MSRB3: variants seen among roughly 807,000 people sequenced by gnomAD.
MSRB3 encodes the protein methionine-R-sulfoxide reductase B3.
In MSRB3, 13 loss-of-function variants were observed where a neutral mutation model predicts 21.0. That is an observed-to-expected ratio of 0.62 (90% confidence interval 0.40 to 0.98). MSRB3 has a LOEUF of 0.98. Among genes scored for constraint, MSRB3 ranks in the 50% least tolerant of loss-of-function variants. The probability of loss-of-function intolerance (pLI) is 0.00; values close to 1 mark genes in which losing one functional copy is unlikely to be tolerated. For missense variants in MSRB3, 199 were observed against 230.3 expected (o/e 0.86, Z 0.88); for synonymous variants, 87 against 88.6 (o/e 0.98, Z 0.10).
At chr12:65,362,757 A>G (rs1176046129) in intron 4 of MSRB3, among the ~76,000 whole-genome samples, 1 of 152,182 alleles carries the variant, frequency 6.6e-6, no homozygotes, top group Non-Finnish European at 1.5e-5. Context: ...AAAGGGGTTA[A>G]GGTATAGTAG....
intron 5 of MSRB3, among the ~76,000 whole-genome samples, chr12:65,415,071 G>A (rs75894828): frequency 0.018 from 2,790 of 152,208 alleles, 97 homozygotes; most frequent in African/African-American, 0.064. Context: ...TTAGAGATCA[G>A]GATCAGAGTC....
intron 4 of MSRB3, among the ~76,000 whole-genome samples, chr12:65,335,488 C>T (rs1408996127): frequency 1.3e-5 from 2 of 152,162 alleles, no homozygotes; most frequent in Non-Finnish European, 2.9e-5. Context: ...TAAGCCCTTT[C>T]ACTGAGAAAA....
chr12:65,279,019 G>T (rs2136376090), intron 1 of MSRB3, 154 bp downstream of exon 1: 1 of 1,446,032 alleles, frequency 6.9e-7, no homozygotes, highest in South Asian at 1.4e-5. Flanking sequence ...AGCCGAGAAG[G>T]GGAGCAGAAG....
intron 5 of MSRB3, among the ~76,000 whole-genome samples, chr12:65,380,971 T>C (rs993016571): frequency 6.6e-6 from 1 of 152,220 alleles, no homozygotes; most frequent in Admixed American, 6.5e-5. Flanking sequence ...CACAGTCACA[T>C]GTAGTTGCAG....
chr12:65,367,284 G>A (rs1294645572), intron 4 of MSRB3, among the ~76,000 whole-genome samples: 2 of 152,186 alleles, frequency 1.3e-5, no homozygotes, highest in South Asian at 2.1e-4. Context: ...AACAATTCTG[G>A]AGCACTTATA....
intron 2 of MSRB3, among the ~76,000 whole-genome samples, chr12:65,323,617 C>G (rs150899890): frequency 2.6e-5 from 4 of 152,094 alleles, no homozygotes; most frequent in African/African-American, 7.2e-5. Context: ...TTAAATTACC[C>G]TGTGTAATAA....
intron 4 of MSRB3, among the ~76,000 whole-genome samples, chr12:65,341,370 G>GGAGA (rs58071061): frequency 2.6e-5 from 4 of 150,984 alleles, no homozygotes; most frequent in African/African-American, 4.9e-5. Context: ...TTGAACTCAT[G>GGAGA]GAGAGAGAGA....
chr12:65,278,728 G>T lies in MSRB3; in HGVS notation c.-189G>T. ...CGTCGCCCGGAGCCGGGGAGGGAGG[G>T]AGCGAGGTTCGGACACCGGCGGCGG... On this transcript the variant is annotated 5_prime_UTR_variant, in exon 1 of 7. An upstream open reading frame in the 5' UTR gains an earlier in-frame stop. Coordinates refer to ENST00000308259, the MANE Select transcript of MSRB3 (RefSeq NM_001031679.3). 1 of 1,540,850 alleles carries T rather than the reference G, an allele frequency of 6.5e-7. No individual in the cohort carries two copies. Among genetic ancestry groups the T allele is most frequent in the African/African-American group, 1.4e-5 (1 of 73,494 alleles).
Position 65,349,413 on chromosome 12 carries a change from G to A in MSRB3, c.264-19585G>A, listed in dbSNP as rs1876776982. Reference sequence around the variant, plus strand: ...TAGCAGCAAGATTTATAGTCCTTTGGGTATATACCCAGTAATGGGATGGCT... The same window carrying A: ...TAGCAGCAAGATTTATAGTCCTTTGAGTATATACCCAGTAATGGGATGGCT... On this transcript the variant is annotated intron_variant, in intron 4 of 6. Transcript: ENST00000308259. Among the ~76,000 whole-genome samples the A allele has an allele frequency of 4.6e-5, 7 of 151,832 alleles. 1 individual carries two copies. The South Asian group carries it at 1.5e-3, about 32-fold the overall frequency.
chr12:65,346,667 A>C (rs1194456990), intron 4 of MSRB3, among the ~76,000 whole-genome samples: 1 of 152,108 alleles, frequency 6.6e-6, no homozygotes, highest in Non-Finnish European at 1.5e-5. Flanking sequence ...GCCCATGCCT[A>C]TGTCCTGAAT....
intron 5 of MSRB3, among the ~76,000 whole-genome samples, chr12:65,374,793 T>C (rs1157585566): frequency 6.6e-6 from 1 of 152,242 alleles, no homozygotes; most frequent in African/African-American, 2.4e-5. Context: ...TTATTTCTTT[T>C]ACAGGATCCT....
intron 4 of MSRB3, among the ~76,000 whole-genome samples, chr12:65,344,409 AAG>A (rs902316633): frequency 6.6e-6 from 1 of 152,024 alleles, no homozygotes. Context: ...TTAGAGTAAA[AAG>A]AGATCTAGAG....
chr12:65,303,940 G>A (rs1358674753), intron 1 of MSRB3, among the ~76,000 whole-genome samples: 1 of 152,192 alleles, frequency 6.6e-6, no homozygotes, highest in African/African-American at 2.4e-5. Context: ...TATGGCAGGA[G>A]TGTGGGGTGC....
intron 5 of MSRB3, among the ~76,000 whole-genome samples, chr12:65,385,336 G>A (rs1028024107): frequency 3.3e-5 from 5 of 151,968 alleles, no homozygotes; most frequent in African/African-American, 1.2e-4. Context: ...AATGCCACCC[G>A]ACATTGTTAC....
intron 5 of MSRB3, among the ~76,000 whole-genome samples, chr12:65,377,316 T>A (rs899446443): frequency 1.2e-4 from 19 of 152,230 alleles, no homozygotes; most frequent in Admixed American, 3.9e-4. Flanking sequence ...AGTCTTGCTC[T>A]GTTGCCCAGG....
At chr12:65,284,638 G>T (rs1333449986) in intron 1 of MSRB3, 1 of 152,242 alleles carries the variant, frequency 6.6e-6, no homozygotes, top group African/African-American at 2.4e-5. Flanking sequence ...ACATGTATGA[G>T]TAAGGAGAGT....
At chr12:65,379,175 CA>C (rs1878804323) in intron 5 of MSRB3, among the ~76,000 whole-genome samples, 1 of 60,632 alleles carries the variant, frequency 1.6e-5, no homozygotes, top group African/African-American at 5.0e-5. Context: ...TCCTTCCATC[CA>C]TCCATCCATC....
At chr12:65,409,094 A>G (rs1263156298) in intron 5 of MSRB3, among the ~76,000 whole-genome samples, 3 of 151,946 alleles carry the variant, frequency 2.0e-5, no homozygotes, top group Non-Finnish European at 4.4e-5. Flanking sequence ...ACCTCCAGCA[A>G]TCTGTTAATT....
chr12:65,343,968 CTG>C (rs1876317806), intron 4 of MSRB3, among the ~76,000 whole-genome samples: 1 of 152,036 alleles, frequency 6.6e-6, no homozygotes, highest in African/African-American at 2.4e-5. Flanking sequence ...CCCCACTTTA[CTG>C]TGTGTGACTT....
Sources: gnomAD v4.1 joint callset for allele counts (sites outside exome capture counted in the v4.1 genomes callset) on GRCh38, gnomAD v4.1.1 for gene constraint, MANE v1.5 for transcripts, NCBI Gene and HGNC (gene_info 2026-07-23, HGNC 2026-07-21) for gene names.